Variants in TAFA2 observed in about 807,000 individuals in gnomAD.
TAFA2 encodes the protein chemokine-like protein TAFA-2.
TAFA2 carries 7 observed loss-of-function variants against 18.8 expected under a neutral mutation model. That is an observed-to-expected ratio of 0.37 (90% CI 0.21 to 0.70). The LOEUF is 0.70. Ranked by LOEUF, TAFA2 falls within the 30% of genes least tolerant of loss-of-function variation. TAFA2 has a pLI of 0.53. For missense variants in TAFA2, 122 were observed against 158.1 expected, an observed-to-expected ratio of 0.77 and a Z score of 1.23; for synonymous variants, 60 against 54.2, an observed-to-expected ratio of 1.11 and a Z score of -0.47.
At chr12:61,809,197 A>G (rs1871756317) in intron 2 of TAFA2, among the ~76,000 whole-genome samples, 1 of 151,490 alleles carries the variant, frequency 6.6e-6, no homozygotes. Context: ...GGCTTCCTGG[A>G]TCATATCACA....
At chr12:62,237,235 C>T (rs7294622) in intron 1 of TAFA2, among the ~76,000 whole-genome samples, 3,495 of 152,210 alleles carry the variant, frequency 0.023, 137 homozygotes, top group African/African-American at 0.078. Flanking sequence ...TCGCCGGGCG[C>T]GGTGGCTCAC....
chr12:62,042,006 G>T (rs1881768328), intron 1 of TAFA2, among the ~76,000 whole-genome samples: 2 of 151,926 alleles, frequency 1.3e-5, no homozygotes, highest in South Asian at 4.2e-4. Flanking sequence ...AGCTATAAAG[G>T]ATCTCTGAGA....
At chr12:61,981,711 C>T (rs1275749465) in intron 1 of TAFA2, among the ~76,000 whole-genome samples, 1 of 152,192 alleles carries the variant, frequency 6.6e-6, no homozygotes, top group African/African-American at 2.4e-5. Context: ...TGAAAAAATG[C>T]TTATCATCAC....
intron 4 of TAFA2, among the ~76,000 whole-genome samples, chr12:61,741,763 A>C (rs1868462232): frequency 6.6e-6 from 1 of 152,268 alleles, no homozygotes; most frequent in African/African-American, 2.4e-5. Context: ...TTTTTAAAAA[A>C]TCTGAATCCC....
chr12:61,883,168 GT>G (rs1291898539), intron 1 of TAFA2, among the ~76,000 whole-genome samples: 1 of 151,938 alleles, frequency 6.6e-6, no homozygotes, highest in African/African-American at 2.4e-5. Context: ...TGATAACATA[GT>G]AAACAAAAAA....
At chr12:61,928,302 A>G (rs1245901771) in intron 1 of TAFA2, among the ~76,000 whole-genome samples, 1 of 152,236 alleles carries the variant, frequency 6.6e-6, no homozygotes, top group Non-Finnish European at 1.5e-5. Flanking sequence ...AGGAACTTAA[A>G]CAAATTTACA....
intron 1 of TAFA2, among the ~76,000 whole-genome samples, chr12:62,122,472 A>G (rs1337213265): frequency 6.6e-6 from 1 of 152,186 alleles, no homozygotes; most frequent in East Asian, 1.9e-4. Flanking sequence ...TCCTTTAAGC[A>G]TTGACTTTTT....
At chr12:62,030,235 A>G (rs1263213985) in intron 1 of TAFA2, among the ~76,000 whole-genome samples, 1 of 152,134 alleles carries the variant, frequency 6.6e-6, no homozygotes, top group Non-Finnish European at 1.5e-5. Context: ...ATTACTGATA[A>G]GGTCTGGGTA....
At chr12:61,740,446 C>T (rs987030574) in intron 4 of TAFA2, among the ~76,000 whole-genome samples, 8 of 150,720 alleles carry the variant, frequency 5.3e-5, no homozygotes, top group Non-Finnish European at 7.4e-5. Flanking sequence ...CAAACCTGCA[C>T]GTTCTGCACA....
At chr12:61,908,263 T>G (rs1565677109) in intron 1 of TAFA2, among the ~76,000 whole-genome samples, 1 of 152,240 alleles carries the variant, frequency 6.6e-6, no homozygotes, top group East Asian at 1.9e-4. Flanking sequence ...AGGGACCCAG[T>G]GGGAGGTAAT....
At position 62,048,994 on chromosome 12, in the gene TAFA2, A is replaced by G. The variant is rs141813514; in HGVS notation, c.-2+142265T>C. 3.3e-5 allele frequency among the ~76,000 whole-genome samples: 5 copies of G among 152,280 alleles called. No individual in the cohort carries two copies. In the East Asian group the frequency reaches 9.6e-4, roughly 29 times the overall value. ...ATGCAGCTGTTCATGTTGCTAAGCTATCAGTTGAAATATAATAAGATGGAG... is the reference window on the plus strand; with the variant it reads ...ATGCAGCTGTTCATGTTGCTAAGCTGTCAGTTGAAATATAATAAGATGGAG... On this transcript the variant is annotated intron_variant, in intron 1 of 4. Transcript: ENST00000416284.
chr12:62,019,245 G>A (rs1453780939), intron 1 of TAFA2, among the ~76,000 whole-genome samples: 3 of 152,088 alleles, frequency 2.0e-5, no homozygotes, highest in South Asian at 2.1e-4. Context: ...AACTAGTTCA[G>A]CCATTGTGGA....
intron 1 of TAFA2, among the ~76,000 whole-genome samples, chr12:62,136,972 A>G (rs1870920336): frequency 6.6e-6 from 1 of 152,126 alleles, no homozygotes; most frequent in Non-Finnish European, 1.5e-5. Flanking sequence ...TGTCCTTAGA[A>G]CTTTCCTCCA....
intron 2 of TAFA2, among the ~76,000 whole-genome samples, chr12:61,859,615 T>C (rs920075652): frequency 2.6e-5 from 4 of 152,102 alleles, no homozygotes; most frequent in African/African-American, 9.7e-5. Context: ...AGCTAATCTT[T>C]GTATTTTTAG....
At chr12:62,144,833 T>A (rs1490443979) in intron 1 of TAFA2, among the ~76,000 whole-genome samples, 2 of 152,124 alleles carry the variant, frequency 1.3e-5, no homozygotes, top group African/African-American at 4.8e-5. Flanking sequence ...AAGCCTTATA[T>A]CCCATTTCAT....
At chr12:61,761,171 G>C (rs1869529627) in intron 2 of TAFA2, among the ~76,000 whole-genome samples, 1 of 151,826 alleles carries the variant, frequency 6.6e-6, no homozygotes, top group Admixed American at 6.6e-5. Context: ...TATTATGACT[G>C]GTATATTTTG....
At chr12:61,932,582 G>A (rs1055711710) in intron 1 of TAFA2, among the ~76,000 whole-genome samples, 1 of 152,108 alleles carries the variant, frequency 6.6e-6, no homozygotes, top group African/African-American at 2.4e-5. Flanking sequence ...TGGGATTACA[G>A]GCACCCCCCT....
chr12:61,995,638 T>C (rs539544849), intron 1 of TAFA2, among the ~76,000 whole-genome samples: 4 of 152,274 alleles, frequency 2.6e-5, no homozygotes, highest in South Asian at 4.1e-4. Context: ...GATAATTATG[T>C]GCAAGATTTA....
At chr12:62,043,700 T>G (rs1881831496) in intron 1 of TAFA2, among the ~76,000 whole-genome samples, 1 of 152,160 alleles carries the variant, frequency 6.6e-6, no homozygotes, top group African/African-American at 2.4e-5. Flanking sequence ...CTTGGTGTTT[T>G]TATATTAAGC....
Sources: gnomAD v4.1 joint callset for allele counts (sites outside exome capture counted in the v4.1 genomes callset) on GRCh38, gnomAD v4.1.1 for gene constraint, MANE v1.5 for transcripts, NCBI Gene and HGNC (gene_info 2026-07-23, HGNC 2026-07-21) for gene names.